Variants in PHF21B observed in about 807,000 individuals in gnomAD.
The protein encoded by PHF21B is PHD finger protein 4.
PHF21B carries 22 observed loss-of-function variants against 62.2 expected under a neutral mutation model. The ratio of observed to expected loss-of-function variants is 0.35; its 90% CI spans 0.25 to 0.51. The LOEUF (loss-of-function observed/expected upper bound fraction) is 0.51. PHF21B is among the 20% of genes least tolerant of loss of function. The pLI, the probability that PHF21B is intolerant of heterozygous loss-of-function variation, is 0.97. For missense variants in PHF21B, 701 were observed against 707.9 expected (o/e 0.99, Z 0.11); for synonymous variants, 341 against 314.7 (o/e 1.08, Z -0.88).
At chr22:44,919,871 T>G (rs2071503050) in intron 3 of PHF21B, among the ~76,000 whole-genome samples, 1 of 152,102 alleles carries the variant, frequency 6.6e-6, no homozygotes, top group South Asian at 2.1e-4. Context: ...GTGAGAAGCC[T>G]CGGCCCAGGA....
At chr22:44,893,407 CA>C in intron 7 of PHF21B, 49 bp downstream of exon 7, 1 of 1,530,884 alleles carries the variant, frequency 6.5e-7, no homozygotes, top group Non-Finnish European at 8.9e-7. Flanking sequence ...GGAGGCTGTG[CA>C]CTGGGAGCCC....
rs1355672081 is a variant in PHF21B at position 44,916,399 on chromosome 22, C to T, written c.445G>A (p.Ala149Thr). The T allele has an allele frequency of 6.3e-7, 1 of 1,590,734 alleles. No homozygotes were observed. Among genetic ancestry groups the T allele is most frequent in the South Asian group, 1.1e-5 (1 of 89,036 alleles). ...GGGGAGGTGGAGATGATGGCGTAGG[C>T]CACCCCCGCACTGCTCAGCGGAGAG... ...LASPLSSAGVAYAIISTSPSN... is the reference protein window; with the variant it reads ...LASPLSSAGVTYAIISTSPSN... Residue 149 changes from alanine (A) to threonine (T), a missense_variant, in exon 4 of 13, where the codon GCC (alanine) becomes ACC (threonine). Ala to Thr is a moderately conservative substitution (Grantham distance 58). Coordinates refer to ENST00000313237, the MANE Select transcript of PHF21B (RefSeq NM_138415.5).
At position 44,909,923 on chromosome 22, in the gene PHF21B, C is replaced by T. The variant is rs148103123; in HGVS notation, c.831+3899G>A. On this transcript the variant is annotated intron_variant, in intron 5 of 12. Transcript: ENST00000313237. ...CCCTTCATTTAGAATTCTCTCACGACACACGCATTTTTGAACCCGTTAGAG... is the reference window on the plus strand; with the variant it reads ...CCCTTCATTTAGAATTCTCTCACGATACACGCATTTTTGAACCCGTTAGAG... 2.3e-4 allele frequency among the ~76,000 whole-genome samples: 35 copies of T among 152,328 alleles called. No homozygotes were observed. The East Asian group carries it at 5.4e-3, about 24-fold the overall frequency.
At chr22:44,995,340 A>G (rs1039683960) in intron 2 of PHF21B, among the ~76,000 whole-genome samples, 2 of 152,168 alleles carry the variant, frequency 1.3e-5, no homozygotes. Flanking sequence ...AGCGTTCCCC[A>G]TTCAAGTCCA....
intron 2 of PHF21B, among the ~76,000 whole-genome samples, chr22:44,937,458 G>C (rs1406518246): frequency 1.3e-5 from 2 of 152,132 alleles, no homozygotes; most frequent in Non-Finnish European, 2.9e-5. Context: ...GGAGTAGCCG[G>C]GTCTCTCACA....
intron 9 of PHF21B, among the ~76,000 whole-genome samples, chr22:44,888,656 T>C (rs1311446363): frequency 2.0e-5 from 3 of 152,136 alleles, no homozygotes; most frequent in Admixed American, 6.5e-5. Flanking sequence ...AACAGCATGC[T>C]CCAACTTCAG....
chr22:44,985,303 T>C (rs1461519729), intron 2 of PHF21B, among the ~76,000 whole-genome samples: 1 of 152,150 alleles, frequency 6.6e-6, no homozygotes, highest in Non-Finnish European at 1.5e-5. Context: ...TTTCACTACC[T>C]CCATTTTACT....
intron 2 of PHF21B, among the ~76,000 whole-genome samples, chr22:44,966,721 A>G (rs946322008): frequency 6.6e-6 from 1 of 152,224 alleles, no homozygotes; most frequent in Non-Finnish European, 1.5e-5. Flanking sequence ...AGTAACCTCC[A>G]GCAAAGCCAT....
At chr22:44,922,992 A>G (rs1308353965) in intron 2 of PHF21B, among the ~76,000 whole-genome samples, 1 of 152,190 alleles carries the variant, frequency 6.6e-6, no homozygotes, top group Non-Finnish European at 1.5e-5. Flanking sequence ...AATGCATATG[A>G]AATTATAAGG....
At chr22:44,893,904 T>C (rs903111415) in intron 6 of PHF21B, among the ~76,000 whole-genome samples, 1 of 152,244 alleles carries the variant, frequency 6.6e-6, no homozygotes, top group Non-Finnish European at 1.5e-5. Context: ...TCCAGTGAGC[T>C]GCAGGGTGAG....
intron 2 of PHF21B, among the ~76,000 whole-genome samples, chr22:44,964,330 G>C (rs1261331124): frequency 6.6e-6 from 1 of 152,020 alleles, no homozygotes; most frequent in Admixed American, 6.5e-5. Context: ...ATGCAGCCTC[G>C]GCCCGAGGGA....
rs191761024 is a variant in PHF21B at position 44,882,759 on chromosome 22, C to T, written c.*327G>A. 656 of 277,194 alleles carry T rather than the reference C, an allele frequency of 2.4e-3. 3 individuals are homozygous for T. Among genetic ancestry groups the T allele is most frequent in the Middle Eastern group, 8.0e-3 (7 of 876 alleles). 17.2% of individuals were successfully genotyped at this position (277,194 alleles called of 1,614,324 possible). ...CCACAGCCTCAGCCTGCCCCTCCAA[C>T]GGGCCAGAGGGAGGCCGTGGAGAGC... On this transcript the variant is annotated 3_prime_UTR_variant, in exon 13 of 13. Coordinates refer to ENST00000313237, the MANE Select transcript of PHF21B (RefSeq NM_138415.5).
intron 2 of PHF21B, among the ~76,000 whole-genome samples, chr22:44,969,394 G>A (rs577244000): frequency 6.6e-5 from 10 of 152,316 alleles, no homozygotes; most frequent in Admixed American, 4.6e-4. Context: ...GGCCGGGCAC[G>A]GTGGCTCGCA....
chr22:45,008,338 C>A, intron 2 of PHF21B: 1 of 437,272 alleles, frequency 2.3e-6, no homozygotes, highest in Admixed American at 4.3e-5. Context: ...CTTCGGCCCC[C>A]GCAGGGCCCG....
At chr22:44,998,448 T>C (rs2073157324) in intron 2 of PHF21B, among the ~76,000 whole-genome samples, 1 of 152,176 alleles carries the variant, frequency 6.6e-6, no homozygotes, top group African/African-American at 2.4e-5. Flanking sequence ...GGGCCCGATC[T>C]TGTTCCTGGG....
chr22:44,989,936 G>A (rs943272670), intron 2 of PHF21B, among the ~76,000 whole-genome samples: 2 of 152,194 alleles, frequency 1.3e-5, no homozygotes, highest in African/African-American at 2.4e-5. Flanking sequence ...ACGTCCACGT[G>A]TTTAACGCCA....
chr22:44,991,980 C>A (rs759042861), intron 2 of PHF21B, among the ~76,000 whole-genome samples: 29 of 152,208 alleles, frequency 1.9e-4, no homozygotes, highest in South Asian at 4.1e-4. Flanking sequence ...TTTTTGGAGG[C>A]ATTAAAGAAA....
chr22:44,951,258 G>A (rs2147390241), intron 2 of PHF21B, among the ~76,000 whole-genome samples: 1 of 152,304 alleles, frequency 6.6e-6, no homozygotes, highest in East Asian at 1.9e-4. Flanking sequence ...AGATCATCGG[G>A]CATTAGATTC....
chr22:44,980,801 C>A (rs1048579246), intron 2 of PHF21B, among the ~76,000 whole-genome samples: 6 of 152,150 alleles, frequency 3.9e-5, no homozygotes, highest in African/African-American at 1.4e-4. Flanking sequence ...GAAGCCGAGC[C>A]CCTTCACAAG....
Sources: allele counts gnomAD v4.1 joint callset (sites outside exome capture counted in the v4.1 genomes callset), GRCh38; gene constraint gnomAD v4.1.1; transcripts MANE v1.5; gene names NCBI Gene and HGNC (gene_info 2026-07-23, HGNC 2026-07-21).